ZNF682: variants seen among roughly 807,000 people sequenced by gnomAD.
ZNF682 encodes zinc finger protein 682.
Under a neutral mutation model 36.5 loss-of-function variants are expected in ZNF682, and 29 were observed. The ratio of observed to expected loss-of-function variants is 0.80; its 90% CI spans 0.59 to 1.08. The LOEUF is 1.08. Ranked by LOEUF, ZNF682 falls within the 50% of genes least tolerant of loss-of-function variation. The pLI is 0.00. For synonymous variants in ZNF682, 180 were observed against 197.0 expected, an observed-to-expected ratio of 0.91 and a Z score of 0.72; for missense variants, 561 against 579.7, an observed-to-expected ratio of 0.97 and a Z score of 0.33.
At chr19:20,027,133 A>G (rs1259997759) in intron 1 of ZNF682, among the ~76,000 whole-genome samples, 1 of 152,114 alleles carries the variant, frequency 6.6e-6, no homozygotes, top group Non-Finnish European at 1.5e-5. Context: ...CTCAGGTGAT[A>G]TTATCTGGAA....
intron 1 of ZNF682, among the ~76,000 whole-genome samples, chr19:20,029,318 A>G (rs909769162): frequency 6.6e-6 from 1 of 150,794 alleles, no homozygotes; most frequent in Non-Finnish European, 1.5e-5. Flanking sequence ...TGCATGGAAT[A>G]GGCCAGGCAC....
At chr19:20,010,407 C>A (rs2088274109) in intron 3 of ZNF682, among the ~76,000 whole-genome samples, 2 of 152,170 alleles carry the variant, frequency 1.3e-5, no homozygotes. Context: ...TGCTTGTAAT[C>A]CCAGCGCTTT....
intron 1 of ZNF682, among the ~76,000 whole-genome samples, chr19:20,028,644 C>A (rs1357697594): frequency 6.6e-6 from 1 of 152,212 alleles, no homozygotes; most frequent in African/African-American, 2.4e-5. Flanking sequence ...TATACCTACA[C>A]TCTTCTTAGA....
At chr19:20,026,862 G>C (rs902919236) in intron 1 of ZNF682, among the ~76,000 whole-genome samples, 6 of 152,150 alleles carry the variant, frequency 3.9e-5, no homozygotes, top group Non-Finnish European at 5.9e-5. Context: ...AAAGGAGAAG[G>C]CTCTGATATA....
At chr19:20,030,068 C>A (rs1374661818) in intron 1 of ZNF682, among the ~76,000 whole-genome samples, 4 of 152,076 alleles carry the variant, frequency 2.6e-5, no homozygotes, top group African/African-American at 9.7e-5. Context: ...CTCCATGTCA[C>A]TGGGGTATTT....
intron 1 of ZNF682, among the ~76,000 whole-genome samples, chr19:20,038,582 G>T (rs867666899): frequency 1.3e-5 from 2 of 149,822 alleles, no homozygotes; most frequent in Middle Eastern, 6.8e-3. Context: ...CAGTTAGACT[G>T]AGGTGGCTCT....
At chr19:20,031,981 A>C (rs1284148206) in intron 1 of ZNF682, among the ~76,000 whole-genome samples, 2 of 152,246 alleles carry the variant, frequency 1.3e-5, no homozygotes, top group Admixed American at 1.3e-4. Flanking sequence ...GGTGTGGGCT[A>C]TAGTGTCCTG....
chr19:19,997,859 GC>G (rs1334732526), intron 3 of ZNF682, among the ~76,000 whole-genome samples: 1 of 152,218 alleles, frequency 6.6e-6, no homozygotes, highest in Non-Finnish European at 1.5e-5. Flanking sequence ...GCCAGTGATG[GC>G]CTCTAGGTGG....
rs556033772 is a variant in ZNF682, at chr19:20,020,701, T to C, written c.226+2303A>G. Among the ~76,000 whole-genome samples, 5 of 152,144 alleles carry C rather than the reference T, an allele frequency of 3.3e-5. No individual in the cohort carries two copies. The East Asian group carries it at 9.7e-4, about 29-fold the overall frequency. ...CTGGATAAAGAAAATATGACACATA[T>C]ACACAATAGAGTATTATTCAGCCAT... On this transcript the variant is annotated intron_variant, in intron 3 of 3. Coordinates refer to ENST00000397165, the MANE Select transcript of ZNF682 (RefSeq NM_033196.3).
At chr19:20,007,399 C>A in intron 3 of ZNF682, 124 bp from the exon 4 acceptor site, 1 of 867,068 alleles carries the variant, frequency 1.2e-6, no homozygotes, top group Non-Finnish European at 1.7e-6. Flanking sequence ...AGCTGGGAAA[C>A]ACTCACTCCA....
downstream of ZNF682, among the ~76,000 whole-genome samples, chr19:19,996,840 C>T (rs2088131213): frequency 6.6e-6 from 1 of 152,040 alleles, no homozygotes; most frequent in African/African-American, 2.4e-5. Flanking sequence ...AAAGAAAAAC[C>T]ATCCCAATTT....
intron 3 of ZNF682, chr19:20,015,467 T>C: frequency 2.1e-6 from 2 of 963,248 alleles, no homozygotes; most frequent in Non-Finnish European, 2.5e-6. Flanking sequence ...TTATAATATA[T>C]GAATAAAAAC....
intron 1 of ZNF682, among the ~76,000 whole-genome samples, chr19:20,028,973 T>A (rs1599615546): frequency 7.6e-6 from 1 of 130,928 alleles, no homozygotes; most frequent in East Asian, 2.2e-4. Context: ...TCTTGTTCTA[T>A]CACTGATTTT....
At chr19:20,030,339 G>C (rs1455769899) in intron 1 of ZNF682, among the ~76,000 whole-genome samples, 2 of 152,120 alleles carry the variant, frequency 1.3e-5, no homozygotes, top group Non-Finnish European at 2.9e-5. Flanking sequence ...GAAGACCGAG[G>C]TGGGTGGATC....
chr19:20,015,121 T>C (rs995965867), intron 3 of ZNF682: 1 of 861,934 alleles, frequency 1.2e-6, no homozygotes, highest in Admixed American at 6.2e-5. Flanking sequence ...TTTTGCACAA[T>C]TAAAAATAAA....
At chr19:20,029,681 G>A (rs1161991044) in intron 1 of ZNF682, among the ~76,000 whole-genome samples, 1 of 151,708 alleles carries the variant, frequency 6.6e-6, no homozygotes, top group Non-Finnish European at 1.5e-5. Context: ...ATACAGAACG[G>A]GAAAATTAAG....
At chr19:20,038,602 A>C (rs1267085065) in intron 1 of ZNF682, among the ~76,000 whole-genome samples, 1 of 111,684 alleles carries the variant, frequency 9.0e-6, no homozygotes, top group Non-Finnish European at 1.9e-5. Flanking sequence ...TAGTACCCTG[A>C]GTTCCTACAT....
intron 1 of ZNF682, among the ~76,000 whole-genome samples, chr19:20,027,460 T>C (rs1317705010): frequency 6.6e-6 from 1 of 152,212 alleles, no homozygotes; most frequent in Non-Finnish European, 1.5e-5. Flanking sequence ...ATGACCTCTC[T>C]TTAAAACAAA....
At chr19:20,014,778 C>CAAAAA (rs554191306) in intron 3 of ZNF682, among the ~76,000 whole-genome samples, 1 of 72,100 alleles carries the variant, frequency 1.4e-5, no homozygotes, top group South Asian at 4.6e-4. Context: ...GACTCCATCT[C>CAAAAA]AAAAAAAAAA....
Sources: gnomAD v4.1 joint callset for allele counts (sites outside exome capture counted in the v4.1 genomes callset) on GRCh38, gnomAD v4.1.1 for gene constraint, MANE v1.5 for transcripts, NCBI Gene and HGNC (gene_info 2026-07-23, HGNC 2026-07-21) for gene names.